The following KCNJ3 variants were observed in gnomAD, a reference collection of about 807,000 sequenced individuals.
KCNJ3 encodes G protein-activated inward rectifier potassium channel 1.
In KCNJ3, 4 loss-of-function variants were observed where a neutral mutation model predicts 39.2. The ratio of observed to expected loss-of-function variants is 0.10; its 90% CI spans 0.05 to 0.23. The LOEUF is 0.23. KCNJ3 is among the 10% of genes least tolerant of loss of function. The pLI is 1.00. For synonymous variants in KCNJ3, 230 were observed against 237.4 expected (o/e 0.97, Z 0.29); for missense variants, 276 against 634.9 (o/e 0.43, Z 6.08).
intron 2 of KCNJ3, among the ~76,000 whole-genome samples, chr2:154,800,871 T>C (rs1558877498): frequency 6.6e-6 from 1 of 152,228 alleles, no homozygotes; most frequent in Non-Finnish European, 1.5e-5. Context: ...AAAGTATAAC[T>C]GGAAGATGGC....
At chr2:154,779,532 G>GTTATATATATATTTATATATATAA (rs1287670921) in intron 2 of KCNJ3, among the ~76,000 whole-genome samples, 2,988 of 142,868 alleles carry the variant, frequency 0.021, 57 homozygotes, top group Non-Finnish European at 0.029. Flanking sequence ...TATATATATA[G>GTTATATATATATTTATATATATAA]TTATATATAT....
intron 2 of KCNJ3, among the ~76,000 whole-genome samples, chr2:154,835,326 CAAT>C (rs1491000605): frequency 1.4e-5 from 2 of 144,368 alleles, no homozygotes; most frequent in African/African-American, 5.0e-5. Flanking sequence ...AACTTTACGA[CAAT>C]AAATTATTTT....
chr2:154,724,038 T>C (rs1231400680), intron 2 of KCNJ3, among the ~76,000 whole-genome samples: 1 of 152,160 alleles, frequency 6.6e-6, no homozygotes, highest in Admixed American at 6.5e-5. Context: ...CACTGTTGAA[T>C]CATATACCAC....
intron 2 of KCNJ3, among the ~76,000 whole-genome samples, chr2:154,784,102 C>T (rs144425704): frequency 1.1e-4 from 17 of 152,118 alleles, no homozygotes; most frequent in Middle Eastern, 6.8e-3. Flanking sequence ...AATGATACGT[C>T]AACAATTGTA....
At chr2:154,800,641 A>G (rs777662582) in intron 2 of KCNJ3, among the ~76,000 whole-genome samples, 1 of 151,988 alleles carries the variant, frequency 6.6e-6, no homozygotes, top group East Asian at 1.9e-4. Flanking sequence ...ATTTCTGCCA[A>G]CCTCTTTATA....
chr2:154,771,398 T>C (rs1186082909), intron 2 of KCNJ3, among the ~76,000 whole-genome samples: 1 of 152,190 alleles, frequency 6.6e-6, no homozygotes, highest in Non-Finnish European at 1.5e-5. Flanking sequence ...TTTAAATATA[T>C]AACCTGAAAG....
intron 2 of KCNJ3, among the ~76,000 whole-genome samples, chr2:154,769,142 T>C (rs1686190242): frequency 6.6e-6 from 1 of 152,178 alleles, no homozygotes; most frequent in African/African-American, 2.4e-5. Context: ...ACAGGGACAA[T>C]TTGACTTCCT....
chr2:154,743,954 TATA>T (rs1405275368), intron 2 of KCNJ3, among the ~76,000 whole-genome samples: 1 of 151,634 alleles, frequency 6.6e-6, no homozygotes, highest in Non-Finnish European at 1.5e-5. Context: ...TAATATTAAA[TATA>T]ATATTACATA....
intron 2 of KCNJ3, among the ~76,000 whole-genome samples, chr2:154,737,484 AG>A (rs1472046586): frequency 6.6e-6 from 1 of 152,198 alleles, no homozygotes; most frequent in Non-Finnish European, 1.5e-5. Flanking sequence ...CGGCATTCAA[AG>A]AAGCAGGAAA....
rs117701961 is a variant in KCNJ3, at chr2:154,784,099, C to T, written c.920-70628C>T. On this transcript the variant is annotated intron_variant, in intron 2 of 2. Transcript: ENST00000295101. ...ATTTGAAGGTATTGCTTTAATGATA[C>T]GTCAACAATTGTAACAAGCATAAGT... 5.3e-5 allele frequency among the ~76,000 whole-genome samples: 8 copies of T among 152,114 alleles called. No homozygotes were observed. The East Asian group carries it at 7.7e-4, about 15-fold the overall frequency.
chr2:154,726,796 T>C (rs60356728), intron 2 of KCNJ3, among the ~76,000 whole-genome samples: 1,401 of 115,438 alleles, frequency 0.012, 21 homozygotes, highest in African/African-American at 0.039. Context: ...TTTATATACA[T>C]ACACACACAC....
intron 2 of KCNJ3, among the ~76,000 whole-genome samples, chr2:154,757,505 C>T (rs1301406938): frequency 1.3e-5 from 2 of 151,978 alleles, no homozygotes; most frequent in Non-Finnish European, 2.9e-5. Context: ...CTATATATTG[C>T]ATATTTTGTT....
At position 154,732,513 on chromosome 2, in the gene KCNJ3, GT is replaced by G. The variant is rs370781712; in HGVS notation, c.919+22702del. Among the ~76,000 whole-genome samples, 67 of 151,900 alleles carry G rather than the reference GT, an allele frequency of 4.4e-4. No homozygotes were observed. In the East Asian group the frequency reaches 7.4e-3, roughly 17 times the overall value. On this transcript the variant is annotated intron_variant, in intron 2 of 2. Transcript: ENST00000295101. ...CTCAAAAGGCTTGTGACTTCAATCA[GT>G]TTTTTTTCCATTGTATTACCACTCA...
intron 2 of KCNJ3, among the ~76,000 whole-genome samples, chr2:154,713,788 C>A (rs989483715): frequency 2.0e-5 from 3 of 152,216 alleles, no homozygotes; most frequent in Admixed American, 6.5e-5. Context: ...CAAAGCATTG[C>A]AGATTTGGCT....
chr2:154,847,822 A>T (rs987255177), intron 2 of KCNJ3, among the ~76,000 whole-genome samples: 2 of 152,178 alleles, frequency 1.3e-5, no homozygotes, highest in African/African-American at 4.8e-5. Context: ...GTCACATATT[A>T]ATTACTGGTG....
At chr2:154,702,027 G>T (rs1684907179) in intron 1 of KCNJ3, among the ~76,000 whole-genome samples, 1 of 151,962 alleles carries the variant, frequency 6.6e-6, no homozygotes. Flanking sequence ...CCTTTAATAA[G>T]TTGCTCTCAT....
chr2:154,783,992 T>C (rs1170472334), intron 2 of KCNJ3, among the ~76,000 whole-genome samples: 1 of 152,214 alleles, frequency 6.6e-6, no homozygotes. Context: ...GGTACTCTTA[T>C]ATTTTACAAA....
rs141663946 is a variant in KCNJ3 at position 154,770,114 on chromosome 2, G to A, written c.919+60295G>A. Among the ~76,000 whole-genome samples the A allele has an allele frequency of 7.1e-4, 108 of 152,190 alleles. 2 individuals are homozygous for A. The East Asian group carries it at 0.018, about 25-fold the overall frequency. The stretch of plus-strand genomic sequence containing the variant: ...TAACTGAGGAGACAAGTATGTCATC[G>A]GGAGCCAATTCAACAATCTACAATT... On this transcript the variant is annotated intron_variant, in intron 2 of 2. Transcript: ENST00000295101.
chr2:154,776,910 G>A (rs1398779587), intron 2 of KCNJ3, among the ~76,000 whole-genome samples: 1 of 120,170 alleles, frequency 8.3e-6, no homozygotes, highest in African/African-American at 3.5e-5. Flanking sequence ...TAAGAAGAGT[G>A]GAATTATGTT....
Sources: allele counts gnomAD v4.1 joint callset (sites outside exome capture counted in the v4.1 genomes callset), GRCh38; gene constraint gnomAD v4.1.1; transcripts MANE v1.5; gene names NCBI Gene and HGNC (gene_info 2026-07-23, HGNC 2026-07-21).